The following FNDC3B variants were observed in gnomAD, a reference collection of about 807,000 sequenced individuals.
FNDC3B encodes fibronectin type III domain containing 3B.
FNDC3B carries 12 observed loss-of-function variants against 151.5 expected under a neutral mutation model. That is an observed-to-expected ratio of 0.08 (90% confidence interval 0.05 to 0.13). FNDC3B has a LOEUF of 0.13. FNDC3B is among the 10% of genes least tolerant of loss of function. FNDC3B has a pLI of 1.00. For missense variants in FNDC3B, 1,214 were observed against 1,505.3 expected, an observed-to-expected ratio of 0.81 and a Z score of 3.20; for synonymous variants, 528 against 549.0, an observed-to-expected ratio of 0.96 and a Z score of 0.54.
At chr3:172,245,230 T>C (rs191907003) in intron 4 of FNDC3B, among the ~76,000 whole-genome samples, 1 of 152,236 alleles carries the variant, frequency 6.6e-6, no homozygotes, top group African/African-American at 2.4e-5. Context: ...ATAAATTTTT[T>C]CGTTATAAAT....
At position 172,239,122 on chromosome 3, in the gene FNDC3B, T is replaced by G. The variant is rs565169526; in HGVS notation, c.265-8411T>G. On this transcript the variant is annotated intron_variant, in intron 4 of 25. Coordinates refer to ENST00000415807, the MANE Select transcript of FNDC3B (RefSeq NM_022763.4). Reference sequence around the variant, plus strand: ...ATTTAACCAACATTTACTGAAAGTCTTCTGTGTGCCCAGTTGCTTCTGAGG... The same window carrying G: ...ATTTAACCAACATTTACTGAAAGTCGTCTGTGTGCCCAGTTGCTTCTGAGG... 3.7e-4 allele frequency among the ~76,000 whole-genome samples: 57 copies of G among 152,300 alleles called. 1 individual carries two copies. The highest frequency in any genetic ancestry group is 6.8e-3 in the Middle Eastern group (2 of 294).
rs1290144542 is a variant in FNDC3B, at chr3:172,384,602, G to A, written c.3303+3509G>A. Among the ~76,000 whole-genome samples the A allele has an allele frequency of 3.3e-5, 5 of 151,982 alleles. No homozygotes were observed. In the East Asian group the frequency reaches 5.8e-4, roughly 18 times the overall value. On this transcript the variant is annotated intron_variant, in intron 25 of 25. Coordinates refer to ENST00000415807, the MANE Select transcript of FNDC3B (RefSeq NM_022763.4). ...GTATTGTAAAAATCTTTTATTTTAC[G>A]TGCCGTGCTTTTCCACCTGTTCTTG...
intron 3 of FNDC3B, among the ~76,000 whole-genome samples, chr3:172,218,618 C>T (rs1183122286): frequency 6.6e-6 from 1 of 152,174 alleles, no homozygotes; most frequent in Non-Finnish European, 1.5e-5. Context: ...GTGCTAGGTA[C>T]TTTATATGCA....
chr3:172,122,508 T>C (rs1421180491), intron 2 of FNDC3B, among the ~76,000 whole-genome samples: 1 of 152,230 alleles, frequency 6.6e-6, no homozygotes, highest in Non-Finnish European at 1.5e-5. Flanking sequence ...ACATGGTGGG[T>C]CCCCAGAAGA....
chr3:172,189,720 G>A (rs1364719770), intron 3 of FNDC3B, among the ~76,000 whole-genome samples: 3 of 143,996 alleles, frequency 2.1e-5, no homozygotes, highest in East Asian at 4.3e-4. Context: ...AGGATTGCCT[G>A]AGCCTGGGAG....
chr3:172,232,140 C>G (rs1726925104), intron 4 of FNDC3B, among the ~76,000 whole-genome samples: 1 of 152,100 alleles, frequency 6.6e-6, no homozygotes, highest in Admixed American at 6.5e-5. Context: ...CTCAGCCTCC[C>G]AAAGTGCTGG....
rs1418557084 is a variant in FNDC3B at position 172,052,537 on chromosome 3, CAA to C, written c.-29+12768_-29+12769del. ...CTAAACTAAGCCATGGAGAAAGGGTCAAAGAGCATGCCTTGGAAAGAACTTGA... is the reference window on the plus strand; with the variant it reads ...CTAAACTAAGCCATGGAGAAAGGGTCAGAGCATGCCTTGGAAAGAACTTGA... On this transcript the variant is annotated intron_variant, in intron 1 of 25. Transcript: ENST00000415807. 2.0e-5 allele frequency among the ~76,000 whole-genome samples: 3 copies of C among 152,152 alleles called. 1 individual carries two copies. In the East Asian group the frequency reaches 5.8e-4, roughly 29 times the overall value.
At chr3:172,252,242 A>C (rs965959867) in intron 6 of FNDC3B, among the ~76,000 whole-genome samples, 85 of 152,228 alleles carry the variant, frequency 5.6e-4, no homozygotes, top group African/African-American at 1.9e-3. Flanking sequence ...ATAAGGAAAA[A>C]CAGTGGCTAT....
At chr3:172,116,367 T>C (rs1403538246) in intron 2 of FNDC3B, among the ~76,000 whole-genome samples, 6 of 152,214 alleles carry the variant, frequency 3.9e-5, no homozygotes, top group Admixed American at 2.6e-4. Flanking sequence ...CAATTAATTT[T>C]AGAACATTTT....
chr3:172,303,014 T>A (rs1366761824), intron 9 of FNDC3B: 1 of 151,116 alleles, frequency 6.6e-6, no homozygotes, highest in Admixed American at 6.6e-5. Context: ...TTTTAAATAC[T>A]TATATATATA....
Position 172,262,894 on chromosome 3 carries a change from C to CAAAAAAAAAAAAAAA in FNDC3B, c.790+11367_790+11381dup, listed in dbSNP as rs67891835. 1.6e-4 allele frequency among the ~76,000 whole-genome samples: 10 copies of CAAAAAAAAAAAAAAA among 60,608 alleles called. 1 individual carries two copies. Among genetic ancestry groups the CAAAAAAAAAAAAAAA allele is most frequent in the African/African-American group, 5.8e-4 (9 of 15,542 alleles). 39.8% of individuals were successfully genotyped at this position (60,608 alleles called of 152,430 possible). A position where few individuals can be genotyped will look rare whatever the true frequency, so the allele number is the denominator to read the frequency against. The stretch of plus-strand genomic sequence containing the variant: ...CCTAGATGACAGAGTGAGACCGACT[C>CAAAAAAAAAAAAAAA]AAAAAAAAAAAAAAAAAAAAAAAAA... On this transcript the variant is annotated intron_variant, in intron 6 of 25. Coordinates refer to ENST00000415807, the MANE Select transcript of FNDC3B (RefSeq NM_022763.4).
chr3:172,110,958 G>A (rs1719929511), intron 1 of FNDC3B, among the ~76,000 whole-genome samples: 1 of 152,012 alleles, frequency 6.6e-6, no homozygotes, highest in African/African-American at 2.4e-5. Context: ...AATTAGGCGG[G>A]CATAGTGGTG....
At chr3:172,164,687 C>T (rs1408716980) in intron 3 of FNDC3B, among the ~76,000 whole-genome samples, 1 of 152,190 alleles carries the variant, frequency 6.6e-6, no homozygotes, top group Non-Finnish European at 1.5e-5. Flanking sequence ...CATATGACTT[C>T]TATGAGAGCA....
chr3:172,266,076 C>T (rs1412885975), intron 6 of FNDC3B, among the ~76,000 whole-genome samples: 1 of 152,124 alleles, frequency 6.6e-6, no homozygotes. Context: ...CCTAGTCTGT[C>T]ATCAGACCCT....
At chr3:172,109,452 C>CG (rs11414031) in intron 1 of FNDC3B, among the ~76,000 whole-genome samples, 2 of 151,972 alleles carry the variant, frequency 1.3e-5, no homozygotes, top group African/African-American at 4.8e-5. Flanking sequence ...AGGCGTGAGC[C>CG]CCGCGCCCGG....
chr3:172,195,737 C>T (rs1438687075), intron 3 of FNDC3B, among the ~76,000 whole-genome samples: 8 of 152,156 alleles, frequency 5.3e-5, no homozygotes, highest in African/African-American at 1.9e-4. Context: ...AGTCACAAGC[C>T]AGCCTGAGGA....
At chr3:172,141,662 C>T (rs1003371458) in intron 3 of FNDC3B, among the ~76,000 whole-genome samples, 1 of 151,794 alleles carries the variant, frequency 6.6e-6, no homozygotes, top group Non-Finnish European at 1.5e-5. Flanking sequence ...CATGGTGAAA[C>T]CCCATCTCTA....
chr3:172,080,478 A>G (rs1282841755), intron 1 of FNDC3B, among the ~76,000 whole-genome samples: 4 of 150,610 alleles, frequency 2.7e-5, no homozygotes, highest in Non-Finnish European at 4.4e-5. Flanking sequence ...GGGTCTTGCT[A>G]TATTTCCCAG....
intron 3 of FNDC3B, among the ~76,000 whole-genome samples, chr3:172,143,618 T>A (rs1053765993): frequency 6.6e-6 from 1 of 152,146 alleles, no homozygotes; most frequent in Non-Finnish European, 1.5e-5. Context: ...AAATTATGCT[T>A]TAGTAAATGA....
Sources: gnomAD v4.1 joint callset for allele counts (sites outside exome capture counted in the v4.1 genomes callset) on GRCh38, gnomAD v4.1.1 for gene constraint, MANE v1.5 for transcripts, NCBI Gene and HGNC (gene_info 2026-07-23, HGNC 2026-07-21) for gene names.